The following GPR158 variants were observed in gnomAD, a reference collection of about 807,000 sequenced individuals.
The protein encoded by GPR158 is G protein-coupled receptor 158.
A neutral mutation model predicts 78.2 loss-of-function variants in GPR158; 30 were observed. The observed-to-expected ratio is 0.38, with a 90% CI of 0.29 to 0.52. The LOEUF is 0.52. Ranked by LOEUF, GPR158 falls within the 20% of genes least tolerant of loss-of-function variation. The probability of loss-of-function intolerance (pLI) is 0.83; values close to 1 mark genes in which losing one functional copy is unlikely to be tolerated. For missense variants in GPR158, 1,463 were observed against 1,523.5 expected, an observed-to-expected ratio of 0.96 and a Z score of 0.66; for synonymous variants, 581 against 591.1, an observed-to-expected ratio of 0.98 and a Z score of 0.25.
intron 4 of GPR158, among the ~76,000 whole-genome samples, chr10:25,432,531 T>A (rs1834926238): frequency 6.6e-6 from 1 of 152,206 alleles, no homozygotes; most frequent in South Asian, 2.1e-4. Flanking sequence ...AAAAATTATA[T>A]GTTCAAAATT....
chr10:25,342,298 C>T (rs1247450736), intron 2 of GPR158, among the ~76,000 whole-genome samples: 2 of 151,560 alleles, frequency 1.3e-5, no homozygotes, highest in Non-Finnish European at 2.9e-5. Context: ...TGCTGATAAT[C>T]CCTGCTGCCT....
intron 2 of GPR158, chr10:25,244,957 C>G (rs1253561883): frequency 6.6e-6 from 1 of 151,922 alleles, no homozygotes; most frequent in African/African-American, 2.4e-5. Context: ...ACAGATGACA[C>G]TGGTCACTTG....
chr10:25,338,461 T>A (rs1320612007), intron 2 of GPR158, among the ~76,000 whole-genome samples: 1 of 125,854 alleles, frequency 7.9e-6, no homozygotes, highest in African/African-American at 3.4e-5. Context: ...ATATATATAT[T>A]ACGTATATTA....
At chr10:25,566,450 A>G (rs1476752945) in intron 6 of GPR158, among the ~76,000 whole-genome samples, 1 of 152,172 alleles carries the variant, frequency 6.6e-6, no homozygotes, top group Non-Finnish European at 1.5e-5. Context: ...CCCTCCTCTC[A>G]TAACCATCTA....
chr10:25,512,661 GTGGATT>G (rs1211523823), intron 5 of GPR158, among the ~76,000 whole-genome samples: 2 of 152,120 alleles, frequency 1.3e-5, no homozygotes, highest in Non-Finnish European at 2.9e-5. Context: ...AATGTTGGCT[GTGGATT>G]TGTCATAGAT....
At chr10:25,316,508 C>G (rs1854851638) in intron 2 of GPR158, among the ~76,000 whole-genome samples, 1 of 152,098 alleles carries the variant, frequency 6.6e-6, no homozygotes, top group Non-Finnish European at 1.5e-5. Context: ...ATTGTGTGAG[C>G]TTATTGAGCA....
At chr10:25,395,633 GA>G (rs1018358892) in intron 2 of GPR158, among the ~76,000 whole-genome samples, 1 of 152,014 alleles carries the variant, frequency 6.6e-6, no homozygotes, top group African/African-American at 2.4e-5. Flanking sequence ...GCATTAAAAA[GA>G]AAAACTATGT....
chr10:25,312,419 CAA>C (rs1352106871), intron 2 of GPR158, among the ~76,000 whole-genome samples: 6 of 152,200 alleles, frequency 3.9e-5, no homozygotes, highest in South Asian at 2.1e-4. Flanking sequence ...GTAGTAGATA[CAA>C]GTTTTCTTAA....
At chr10:25,509,720 A>T (rs899039441) in intron 5 of GPR158, among the ~76,000 whole-genome samples, 2 of 151,966 alleles carry the variant, frequency 1.3e-5, no homozygotes, top group East Asian at 3.9e-4. Context: ...TATGATTTTT[A>T]TTTTTTTATT....
At chr10:25,314,293 G>C (rs1469872481) in intron 2 of GPR158, among the ~76,000 whole-genome samples, 1 of 151,992 alleles carries the variant, frequency 6.6e-6, no homozygotes, top group African/African-American at 2.4e-5. Context: ...TAGAGACGGG[G>C]TTTCACCATG....
At chr10:25,431,845 T>C (rs924229381) in intron 4 of GPR158, among the ~76,000 whole-genome samples, 3 of 151,992 alleles carry the variant, frequency 2.0e-5, no homozygotes, top group African/African-American at 7.3e-5. Context: ...AACATCACAC[T>C]CTGGGGACTG....
chr10:25,599,747 A>G lies in GPR158; in HGVS notation c.*473A>G, dbSNP rs1837467522. ...TGCTAACTTAATGCATCCCAAAAAT[A>G]TCTTTTATATTAATGATTGCTCTCA... On this transcript the variant is annotated 3_prime_UTR_variant, in exon 11 of 11. Transcript: ENST00000376351. 1 of 154,638 alleles carries G rather than the reference A, an allele frequency of 6.5e-6. No individual in the cohort carries two copies. Among genetic ancestry groups the G allele is most frequent in the East Asian group, 1.9e-4 (1 of 5,230 alleles). The allele number at this position is 154,638 out of a possible 1,614,324, so 9.6% of individuals were successfully genotyped here. A position where few individuals can be genotyped will look rare whatever the true frequency, so the allele number is the denominator to read the frequency against.
intron 2 of GPR158, among the ~76,000 whole-genome samples, chr10:25,291,229 G>A (rs903415107): frequency 4.0e-5 from 6 of 151,742 alleles, no homozygotes; most frequent in Non-Finnish European, 7.4e-5. Context: ...GAGAAAGAAA[G>A]GGAAGGGCAG....
Position 25,286,063 on chromosome 10 carries a change from C to T in GPR158, c.1008+64906C>T, listed in dbSNP as rs186749981. Among the ~76,000 whole-genome samples, 529 of 151,980 alleles carry T rather than the reference C, an allele frequency of 3.5e-3. 5 individuals carry two copies. Among genetic ancestry groups the T allele is most frequent in the Admixed American group, 5.6e-3 (85 of 15,264 alleles). ...TCTCTGGTGACGTTCAATATTTTTT[C>T]TTTATTTTTAGTTAACAACTGTTTG... On this transcript the variant is annotated intron_variant, in intron 2 of 10. Transcript: ENST00000376351.
At chr10:25,279,642 T>C (rs1040649146) in intron 2 of GPR158, among the ~76,000 whole-genome samples, 1 of 152,168 alleles carries the variant, frequency 6.6e-6, no homozygotes, top group African/African-American at 2.4e-5. Context: ...TTTATCTGTT[T>C]AGTGACCTCG....
chr10:25,479,468 T>G (rs1229420432), intron 5 of GPR158, among the ~76,000 whole-genome samples: 1 of 152,076 alleles, frequency 6.6e-6, no homozygotes, highest in Non-Finnish European at 1.5e-5. Context: ...CAGGCTGGAG[T>G]GCAGTGGTGC....
At chr10:25,487,736 A>G (rs1835754348) in intron 5 of GPR158, among the ~76,000 whole-genome samples, 1 of 152,144 alleles carries the variant, frequency 6.6e-6, no homozygotes, top group Non-Finnish European at 1.5e-5. Context: ...GGCTTTCAGT[A>G]TATTGTTTGA....
intron 5 of GPR158, among the ~76,000 whole-genome samples, chr10:25,506,610 C>T (rs373391317): frequency 2.6e-5 from 4 of 152,298 alleles, no homozygotes; most frequent in South Asian, 4.1e-4. Flanking sequence ...TGTGTGTTCA[C>T]GTTCCTCTGA....
chr10:25,386,054 C>T (rs1834218047), intron 2 of GPR158, among the ~76,000 whole-genome samples: 1 of 152,134 alleles, frequency 6.6e-6, no homozygotes, highest in Admixed American at 6.5e-5. Context: ...TGTCATAAGG[C>T]TTTTCCCATT....
Sources: allele counts gnomAD v4.1 joint callset (sites outside exome capture counted in the v4.1 genomes callset), GRCh38; gene constraint gnomAD v4.1.1; transcripts MANE v1.5; gene names NCBI Gene and HGNC (gene_info 2026-07-23, HGNC 2026-07-21).